The following MRPL4 variants were observed in gnomAD, a reference collection of about 807,000 sequenced individuals.
MRPL4 encodes the protein large ribosomal subunit protein uL4m.
In MRPL4, 34 loss-of-function variants were observed where a neutral mutation model predicts 34.1. The ratio of observed to expected loss-of-function variants is 1.00; its 90% CI spans 0.76 to 1.33. The LOEUF (loss-of-function observed/expected upper bound fraction) is 1.33, where lower values mean the gene tolerates loss of function less well. Ranked by LOEUF, MRPL4 falls within the 40% of genes most tolerant of loss-of-function variation. The pLI is 0.00. For missense variants in MRPL4, 402 were observed against 434.6 expected (o/e 0.92, Z 0.67); for synonymous variants, 196 against 188.3 (o/e 1.04, Z -0.33).
intron 3 of MRPL4, among the ~76,000 whole-genome samples, chr19:10,254,049 G>A (rs2039825330): frequency 6.6e-6 from 1 of 151,944 alleles, no homozygotes; most frequent in African/African-American, 2.4e-5. Context: ...ATGAAGTTTC[G>A]CTCTTGTCGC....
chr19:10,258,551 G>A (rs1422756741), intron 7 of MRPL4, 29 bp downstream of exon 7: 1 of 1,614,092 alleles, frequency 6.2e-7, no homozygotes, highest in Non-Finnish European at 8.5e-7. Flanking sequence ...GCAGGGGCAG[G>A]GGGCCCTGAG....
At chr19:10,257,772 C>A (rs576115829) in intron 5 of MRPL4, among the ~76,000 whole-genome samples, 1 of 152,100 alleles carries the variant, frequency 6.6e-6, no homozygotes, top group Admixed American at 6.6e-5. Context: ...ACACTCTAGC[C>A]ACTCTATGGA....
rs376250321 is a variant in MRPL4, at chr19:10,258,345, G to T, written c.552+17G>T. ...CTGGCCCAGGTACAGCCATGGGGGG[G>T]CCCAGACAGCTGCTAGAGGTGGGGC... On this transcript the variant is annotated intron_variant, in intron 6 of 8. Coordinates refer to ENST00000253099, the MANE Select transcript of MRPL4 (RefSeq NM_015956.3). 21 of 1,613,704 alleles carry T rather than the reference G, an allele frequency of 1.3e-5. No homozygotes were observed. The highest frequency in any genetic ancestry group is 1.6e-5 in the Non-Finnish European group (19 of 1,179,874).
At chr19:10,252,853 T>C (rs1381666719) in intron 3 of MRPL4, 152 bp downstream of exon 3, 1 of 1,129,534 alleles carries the variant, frequency 8.9e-7, no homozygotes, top group Non-Finnish European at 1.2e-6. Flanking sequence ...GATGACAGTT[T>C]CCCCTGCTGT....
chr19:10,258,304 G>A lies in MRPL4; in HGVS notation c.528G>A (p.Val176=), dbSNP rs2039870650. 6.2e-7 allele frequency: 1 copy of A among 1,614,114 alleles called. No homozygotes were observed. The highest frequency in any genetic ancestry group is 8.5e-7 in the Non-Finnish European group (1 of 1,180,020). The stretch of plus-strand genomic sequence containing the variant: ...AGGTGCGGGCGCTGGGTCTCAAAGT[G>A]GCACTGACCGTCAAGCTGGCCCAGG... ...PMKVRALGLK[V]ALTVKLAQDD... Residue 176 remains valine (V), a synonymous_variant, in exon 6 of 9, where the codon GTG becomes GTA. Transcript: ENST00000253099.
At chr19:10,257,629 C>G (rs1163843135) in intron 5 of MRPL4, among the ~76,000 whole-genome samples, 5 of 152,132 alleles carry the variant, frequency 3.3e-5, no homozygotes, top group Non-Finnish European at 7.3e-5. Context: ...AGGGGTCTCC[C>G]TGACTGTTGT....
upstream of MRPL4, chr19:10,252,106 G>A (rs1268626469): frequency 2.1e-6 from 2 of 966,480 alleles, no homozygotes; most frequent in East Asian, 5.6e-5. Flanking sequence ...CGCCGGGTCG[G>A]ACCCCCTCCA....
intron 4 of MRPL4, 77 bp from the exon 5 acceptor site, chr19:10,256,631 C>G (rs915613937): frequency 7.8e-5 from 96 of 1,235,794 alleles, no homozygotes; most frequent in Non-Finnish European, 7.4e-5. Flanking sequence ...GTCTGACTTC[C>G]CCGTGGCAGG....
rs1445133974 is a variant in MRPL4, at chr19:10,259,839, C to G, written c.*26C>G. On this transcript the variant is annotated 3_prime_UTR_variant, in exon 9 of 9. Transcript: ENST00000253099. ...TGTGAAGCACCTCTTCTGAGCCAGG[C>G]CGAGCCCCTGGCCGACTTGGGAGCC... is the stretch of plus-strand genomic sequence containing the variant. 1.9e-6 allele frequency: 3 copies of G among 1,575,800 alleles called. No individual in the cohort carries two copies. The highest frequency in any genetic ancestry group is 2.6e-6 in the Non-Finnish European group (3 of 1,154,664).
At chr19:10,253,714 C>T (rs1380314700) in intron 3 of MRPL4, among the ~76,000 whole-genome samples, 1 of 151,346 alleles carries the variant, frequency 6.6e-6, no homozygotes, top group African/African-American at 2.4e-5. Context: ...TCGCTTGCAC[C>T]TGGGGAGATG....
In MRPL4 at chr19:10,252,425, C is replaced by T; in HGVS notation, c.86C>T (p.Ala29Val). The T allele has an allele frequency of 6.2e-7, 1 of 1,614,062 alleles. No individual in the cohort carries two copies. The highest frequency in any genetic ancestry group is 8.5e-7 in the Non-Finnish European group (1 of 1,179,984). ...QGLSSLAEEAARATENPEQVA... is the reference protein window; with the variant it reads ...QGLSSLAEEAVRATENPEQVA... ...CTGAGTTCCCTGGCGGAAGAGGCAG[C>T]GCGTGCGACCGAGAACCCGGAGCAG... Residue 29 changes from alanine (A) to valine (V), a missense_variant, in exon 2 of 9, where the codon GCG becomes GTG. Coordinates refer to ENST00000253099, the MANE Select transcript of MRPL4 (RefSeq NM_015956.3).
Position 10,258,345 on chromosome 19 carries a change from G to A in MRPL4, c.552+17G>A, listed in dbSNP as rs376250321. 28 of 1,613,702 alleles carry A rather than the reference G, an allele frequency of 1.7e-5. No individual in the cohort carries two copies. In the African/African-American group the frequency reaches 2.3e-4, roughly 13 times the overall value. On this transcript the variant is annotated intron_variant, in intron 6 of 8. Coordinates refer to ENST00000253099, the MANE Select transcript of MRPL4 (RefSeq NM_015956.3). ...CTGGCCCAGGTACAGCCATGGGGGG[G>A]CCCAGACAGCTGCTAGAGGTGGGGC...
rs1236267940 is a variant in MRPL4 at position 10,253,482 on chromosome 19, A to AG, written c.275+781_275+782insG. On this transcript the variant is annotated intron_variant, in intron 3 of 8. Transcript: ENST00000253099. ...CAACACTCTGTCTCAAAAAAAAAAA[A>AG]AAAAAAGAAAGAAAAGAAAATGTAG... Among the ~76,000 whole-genome samples, 5 of 150,282 alleles carry AG rather than the reference A, an allele frequency of 3.3e-5. No individual in the cohort carries two copies. In the South Asian group the frequency reaches 1.1e-3, roughly 32 times the overall value.
chr19:10,256,566 G>C (rs554975816), intron 4 of MRPL4, 142 bp from the exon 5 acceptor site: 2 of 625,232 alleles, frequency 3.2e-6, no homozygotes, highest in Non-Finnish European at 5.6e-6. Flanking sequence ...CCTCCCCCTC[G>C]CTCCCCAAGT....
chr19:10,259,503 C>A, intron 8 of MRPL4, 114 bp from the exon 9 acceptor site: 1 of 1,495,974 alleles, frequency 6.7e-7, no homozygotes, highest in Admixed American at 2.3e-5. Flanking sequence ...CAAAGTCACA[C>A]TAGACCACAG....
Position 10,259,956 on chromosome 19 carries a change from TG to T in MRPL4, c.*146del, listed in dbSNP as rs2039897631. 3.0e-6 allele frequency: 2 copies of T among 673,828 alleles called. No individual in the cohort carries two copies. The highest frequency in any genetic ancestry group is 1.9e-5 in the African/African-American group (1 of 53,782). The allele number at this position is 673,828 out of a possible 1,614,324, so 41.7% of individuals were successfully genotyped here. Reference sequence around the variant, plus strand: ...GGCCACAGGGAGCGGCCATCGCCATTGGGAAGGGGCGACTCCACGGAAAGCC... The same window carrying T: ...GGCCACAGGGAGCGGCCATCGCCATTGGAAGGGGCGACTCCACGGAAAGCC... On this transcript the variant is annotated 3_prime_UTR_variant, in exon 9 of 9. Coordinates refer to ENST00000253099, the MANE Select transcript of MRPL4 (RefSeq NM_015956.3).
chr19:10,257,178 G>A (rs1290274671), intron 5 of MRPL4, among the ~76,000 whole-genome samples: 12 of 152,038 alleles, frequency 7.9e-5, no homozygotes, highest in Admixed American at 6.6e-4. Flanking sequence ...TCCGGACCTC[G>A]GCCTTTGTGT....
chr19:10,259,227 C>T (rs902050884), intron 8 of MRPL4: 161 of 1,324,288 alleles, frequency 1.2e-4, no homozygotes, highest in Non-Finnish European at 1.5e-4. Context: ...CCACGCCCCT[C>T]GCTGGCTTCC....
intron 8 of MRPL4, chr19:10,258,961 G>A (rs540235513): frequency 8.5e-6 from 12 of 1,414,564 alleles, no homozygotes; most frequent in East Asian, 5.0e-5. Context: ...AAAGTTAGGC[G>A]TGGCGATGTG....
Sources: gnomAD v4.1 joint callset for allele counts (sites outside exome capture counted in the v4.1 genomes callset) on GRCh38, gnomAD v4.1.1 for gene constraint, MANE v1.5 for transcripts, NCBI Gene and HGNC (gene_info 2026-07-23, HGNC 2026-07-21) for gene names.